Variants in TRMT9B observed in about 807,000 individuals in gnomAD.
TRMT9B encodes probable tRNA methyltransferase 9B.
A neutral mutation model predicts 11.5 loss-of-function variants in TRMT9B; 16 were observed. The ratio of observed to expected loss-of-function variants is 1.39; its 90% CI spans 0.94 to 2.11. TRMT9B has a LOEUF of 2.11. Ranked by LOEUF, TRMT9B falls within the 30% of genes most tolerant of loss-of-function variation. The pLI, the probability that TRMT9B is intolerant of heterozygous loss-of-function variation, is 0.00. For synonymous variants in TRMT9B, 274 were observed against 192.4 expected (o/e 1.42, Z -3.51); for missense variants, 941 against 553.8 (o/e 1.70, Z -7.02).
intron 2 of TRMT9B, among the ~76,000 whole-genome samples, chr8:12,991,659 G>T (rs766790240): frequency 9.2e-5 from 14 of 152,236 alleles, no homozygotes; most frequent in Non-Finnish European, 1.6e-4. Flanking sequence ...CTGGCTGGGC[G>T]CATTGGCTCA....
intron 1 of TRMT9B, among the ~76,000 whole-genome samples, chr8:12,978,141 C>T (rs1804748323): frequency 6.6e-6 from 1 of 152,216 alleles, no homozygotes; most frequent in African/African-American, 2.4e-5. Context: ...TGCCTTTCTT[C>T]ATGGCCCAGG....
intron 1 of TRMT9B, among the ~76,000 whole-genome samples, chr8:12,963,416 G>C (rs1467656586): frequency 6.6e-6 from 1 of 152,142 alleles, no homozygotes; most frequent in Non-Finnish European, 1.5e-5. Flanking sequence ...CTGGGAGACA[G>C]AGTGAGACTT....
intron 1 of TRMT9B, among the ~76,000 whole-genome samples, chr8:12,983,805 A>G (rs754466451): frequency 1.3e-5 from 2 of 152,172 alleles, no homozygotes; most frequent in African/African-American, 2.4e-5. Context: ...TAGCCTTTTA[A>G]TCAAAACATA....
At chr8:13,012,488 T>C in intron 3 of TRMT9B, 196 bp from the exon 4 acceptor site, 1 of 646,318 alleles carries the variant, frequency 1.5e-6, no homozygotes. Flanking sequence ...GGCAAGAGAA[T>C]TGCTTGAACC....
chr8:13,012,506 C>T, intron 3 of TRMT9B, 178 bp from the exon 4 acceptor site: 1 of 763,132 alleles, frequency 1.3e-6, no homozygotes, highest in Non-Finnish European at 1.9e-6. Flanking sequence ...ACCCGTGAGG[C>T]AGAGGTTGCA....
At position 13,025,187 on chromosome 8, in the gene TRMT9B, G is replaced by C. The variant is rs34814782; in HGVS notation, c.*3143G>C. 0.028 allele frequency: 4,758 copies of C among 167,046 alleles called. 97 individuals carry two copies. Among genetic ancestry groups the C allele is most frequent in the South Asian group, 0.085 (410 of 4,806 alleles). 10.3% of individuals were successfully genotyped at this position (167,046 alleles called of 1,614,324 possible). ...GCACAGAGTCCCACTATCTGAAATAGAAGGGAGAGTTTGGGGGTTTATTGG... is the reference window on the plus strand; with the variant it reads ...GCACAGAGTCCCACTATCTGAAATACAAGGGAGAGTTTGGGGGTTTATTGG... On this transcript the variant is annotated 3_prime_UTR_variant, in exon 5 of 5. Coordinates refer to ENST00000524591, the MANE Select transcript of TRMT9B (RefSeq NM_020844.3).
At chr8:13,005,038 A>C (rs763848481) in intron 2 of TRMT9B, among the ~76,000 whole-genome samples, 1 of 151,346 alleles carries the variant, frequency 6.6e-6, no homozygotes, top group Non-Finnish European at 1.5e-5. Context: ...CTGAGCCGAG[A>C]TCATGCCACT....
At chr8:12,997,772 G>T (rs1399762448) in intron 2 of TRMT9B, among the ~76,000 whole-genome samples, 1 of 152,106 alleles carries the variant, frequency 6.6e-6, no homozygotes, top group Non-Finnish European at 1.5e-5. Context: ...TTTAAGAGTG[G>T]GGTTGCTGGG....
At chr8:13,012,361 G>A in intron 3 of TRMT9B, 1 of 792,000 alleles carries the variant, frequency 1.3e-6, no homozygotes, top group Non-Finnish European at 1.5e-6. Flanking sequence ...CGGATCACCT[G>A]AGGTTGGGAG....
At chr8:12,949,770 A>G (rs984363336) in intron 1 of TRMT9B, among the ~76,000 whole-genome samples, 5 of 152,340 alleles carry the variant, frequency 3.3e-5, no homozygotes, top group Non-Finnish European at 5.9e-5. Context: ...CCTATTACCT[A>G]CAAAAGGTTA....
chr8:12,963,894 C>T lies in TRMT9B; in HGVS notation c.-200+17928C>T, dbSNP rs180898095. Among the ~76,000 whole-genome samples the T allele has an allele frequency of 1.2e-4, 19 of 152,280 alleles. 1 individual carries two copies. The East Asian group carries it at 2.7e-3, about 22-fold the overall frequency. Reference sequence around the variant, plus strand: ...TAGATCTGTGGACATGTGGAATCAGCCCATATGGGTTCTAGTCCTTGCTCC... The same window carrying T: ...TAGATCTGTGGACATGTGGAATCAGTCCATATGGGTTCTAGTCCTTGCTCC... On this transcript the variant is annotated intron_variant, in intron 1 of 4. Transcript: ENST00000524591.
Position 12,964,223 on chromosome 8 carries a change from A to T in TRMT9B, c.-200+18257A>T, listed in dbSNP as rs551714422. Among the ~76,000 whole-genome samples, 22 of 152,312 alleles carry T rather than the reference A, an allele frequency of 1.4e-4. No individual in the cohort carries two copies. In the East Asian group the frequency reaches 4.2e-3, roughly 29 times the overall value. On this transcript the variant is annotated intron_variant, in intron 1 of 4. Coordinates refer to ENST00000524591, the MANE Select transcript of TRMT9B (RefSeq NM_020844.3). ...ATATTGTATTGCATCTTTTTGAAAA[A>T]CATTATTTTACATTTCAACATCATT... is the stretch of plus-strand genomic sequence containing the variant.
At chr8:12,996,166 T>C (rs1411088256) in intron 2 of TRMT9B, among the ~76,000 whole-genome samples, 1 of 152,218 alleles carries the variant, frequency 6.6e-6, no homozygotes, top group Non-Finnish European at 1.5e-5. Context: ...TACATTATTA[T>C]AGTTGTGCTA....
Position 12,958,936 on chromosome 8 carries a change from GC to G in TRMT9B, c.-200+12971del, listed in dbSNP as rs1801676603. On this transcript the variant is annotated intron_variant, in intron 1 of 4. Coordinates refer to ENST00000524591, the MANE Select transcript of TRMT9B (RefSeq NM_020844.3). Reference sequence around the variant, plus strand: ...AGGGCGGGGAACATCACACACCGGGGCTTGTCAGGGGTCGGGGGCTGTGGGA... The same window carrying G: ...AGGGCGGGGAACATCACACACCGGGGTTGTCAGGGGTCGGGGGCTGTGGGA... 3.3e-5 allele frequency among the ~76,000 whole-genome samples: 5 copies of G among 152,236 alleles called. No homozygotes were observed. The South Asian group carries it at 1.0e-3, about 32-fold the overall frequency.
rs1814017767 is a variant in TRMT9B, at chr8:13,021,915, C to G, written c.1236C>G (p.Tyr412Ter). 6.2e-7 allele frequency: 1 copy of G among 1,613,744 alleles called. No individual in the cohort carries two copies. Among genetic ancestry groups the G allele is most frequent in the Non-Finnish European group, 8.5e-7 (1 of 1,179,864 alleles). Residue 412 changes from tyrosine (Y) to a stop codon, truncating the protein, a stop_gained, in exon 5 of 5, where the codon TAC (tyrosine) becomes TAG (stop). Transcript: ENST00000524591. LOFTEE classifies it high-confidence loss of function. The part of the protein sequence containing the change: ...VLDSTAFMRY[Y>*]HVFREGELCS... ...ACTCCACAGCCTTTATGCGCTACTA[C>G]CATGTGTTTCGAGAAGGGGAGCTCT...
intron 1 of TRMT9B, chr8:12,959,956 C>T (rs1242884959): frequency 6.6e-6 from 1 of 152,208 alleles, no homozygotes; most frequent in Non-Finnish European, 1.5e-5. Flanking sequence ...CTTCCTTTGG[C>T]TGTGGAAGTA....
Position 12,968,773 on chromosome 8 carries a change from C to T in TRMT9B, c.-199-22061C>T, listed in dbSNP as rs369399003. Among the ~76,000 whole-genome samples the T allele has an allele frequency of 3.3e-5, 5 of 152,296 alleles. No homozygotes were observed. The East Asian group carries it at 7.7e-4, about 24-fold the overall frequency. ...TAGTCCTGTTTGACAAGGTCAGTTA[C>T]TAGAAGAGGTGCAGTATGGTGGGTA... is the stretch of plus-strand genomic sequence containing the variant. On this transcript the variant is annotated intron_variant, in intron 1 of 4. Coordinates refer to ENST00000524591, the MANE Select transcript of TRMT9B (RefSeq NM_020844.3).
At chr8:12,964,661 A>C (rs566818080) in intron 1 of TRMT9B, among the ~76,000 whole-genome samples, 1 of 152,240 alleles carries the variant, frequency 6.6e-6, no homozygotes, top group South Asian at 2.1e-4. Context: ...TGTAGCCTCA[A>C]ACTCCCGGGC....
At chr8:12,972,806 A>C (rs1483720776) in intron 1 of TRMT9B, among the ~76,000 whole-genome samples, 1 of 152,190 alleles carries the variant, frequency 6.6e-6, no homozygotes, top group Non-Finnish European at 1.5e-5. Flanking sequence ...AAATGACTGA[A>C]ATGTTTTTTA....
Sources: gnomAD v4.1 joint callset for allele counts (sites outside exome capture counted in the v4.1 genomes callset) on GRCh38, gnomAD v4.1.1 for gene constraint, MANE v1.5 for transcripts, NCBI Gene and HGNC (gene_info 2026-07-23, HGNC 2026-07-21) for gene names.